Variants in CTNNA1 observed in about 807,000 individuals in gnomAD.
CTNNA1 encodes catenin alpha 1, also known as catenin alpha-1.
In CTNNA1, 37 loss-of-function variants were observed where a neutral mutation model predicts 98.4. That is an observed-to-expected ratio of 0.38 (90% CI 0.29 to 0.49). The LOEUF is 0.49. CTNNA1 is among the 20% of genes least tolerant of loss of function. The probability of loss-of-function intolerance (pLI) is 0.95; values close to 1 mark genes in which losing one functional copy is unlikely to be tolerated. For missense variants in CTNNA1, 761 were observed against 1,147.2 expected, an observed-to-expected ratio of 0.66 and a Z score of 4.86; for synonymous variants, 404 against 413.2, an observed-to-expected ratio of 0.98 and a Z score of 0.27.
At chr5:138,869,114 TTG>T (rs1157822089) in intron 7 of CTNNA1, 1 of 151,284 alleles carries the variant, frequency 6.6e-6, no homozygotes, top group East Asian at 1.9e-4. Context: ...GGACTGTACT[TTG>T]AGTTTCCAGT....
In CTNNA1 at chr5:138,810,063, A is replaced by G. The variant is rs745606892; in HGVS notation, c.327A>G (p.Gly109=). 2.9e-5 allele frequency: 46 copies of G among 1,612,302 alleles called. No individual in the cohort carries two copies. Among genetic ancestry groups the G allele is most frequent in the Non-Finnish European group, 3.6e-5 (42 of 1,178,534 alleles). ...GTGATTTGATGAAGGCTGCTGCAGG[A>G]GAGTTCGCAGATGATCCCTGCTCTT... The part of the protein sequence containing the change: ...KQGDLMKAAA[G]EFADDPCSSV... Residue 109 remains glycine, a synonymous_variant, in exon 4 of 18, where the codon GGA becomes GGG. Transcript: ENST00000302763.
intron 1 of CTNNA1, among the ~76,000 whole-genome samples, chr5:138,778,547 C>T (rs945121117): frequency 1.3e-5 from 2 of 152,118 alleles, no homozygotes; most frequent in Non-Finnish European, 2.9e-5. Flanking sequence ...ACTATTTCCC[C>T]CATCTGTCAT....
chr5:138,934,931 C>T lies in CTNNA1; in HGVS notation c.*842C>T, dbSNP rs1414454867. The T allele has an allele frequency of 6.6e-6, 1 of 152,508 alleles. No homozygotes were observed. Among genetic ancestry groups the T allele is most frequent in the African/African-American group, 2.4e-5 (1 of 41,446 alleles). 9.4% of individuals were successfully genotyped at this position (152,508 alleles called of 1,614,324 possible). On this transcript the variant is annotated 3_prime_UTR_variant, in exon 18 of 18. Coordinates refer to ENST00000302763, the MANE Select transcript of CTNNA1 (RefSeq NM_001903.5). Reference sequence around the variant, plus strand: ...TTGATTGATTGATTACTATTAACTACAAGGTATAATTTACTATCACCTTAT... The same window carrying T: ...TTGATTGATTGATTACTATTAACTATAAGGTATAATTTACTATCACCTTAT...
At chr5:138,875,480 CT>C (rs1044086138) in intron 7 of CTNNA1, 18 of 985,346 alleles carry the variant, frequency 1.8e-5, no homozygotes, top group Non-Finnish European at 2.0e-5. Flanking sequence ...GCAGGACCCC[CT>C]GATTACAATA....
intron 7 of CTNNA1, among the ~76,000 whole-genome samples, chr5:138,839,052 A>G (rs906318370): frequency 2.0e-5 from 3 of 152,136 alleles, no homozygotes; most frequent in Non-Finnish European, 4.4e-5. Flanking sequence ...TTTTCTTGCT[A>G]TGTTTCTGTT....
chr5:138,890,507 TA>T (rs2150050648), intron 9 of CTNNA1, among the ~76,000 whole-genome samples: 1 of 152,268 alleles, frequency 6.6e-6, no homozygotes, highest in African/African-American at 2.4e-5. Flanking sequence ...TAAAGGATAC[TA>T]ATCAGGACCA....
At chr5:138,896,380 A>T (rs989456126) in intron 9 of CTNNA1, among the ~76,000 whole-genome samples, 7 of 151,922 alleles carry the variant, frequency 4.6e-5, no homozygotes, top group Admixed American at 3.9e-4. Flanking sequence ...TTATTTTAAT[A>T]AGAATCTTTT....
chr5:138,848,475 C>CTTA (rs1184009955), intron 7 of CTNNA1, among the ~76,000 whole-genome samples: 2 of 152,200 alleles, frequency 1.3e-5, no homozygotes, highest in African/African-American at 4.8e-5. Flanking sequence ...CCTCCAAGAG[C>CTTA]TTAGTTCTCT....
chr5:138,767,684 C>T (rs1361667620), intron 1 of CTNNA1, among the ~76,000 whole-genome samples: 1 of 152,112 alleles, frequency 6.6e-6, no homozygotes, highest in Admixed American at 6.5e-5. Flanking sequence ...CTTGATTTAC[C>T]AGCTGACCAT....
chr5:138,764,258 C>G (rs918530883), intron 1 of CTNNA1, among the ~76,000 whole-genome samples: 1 of 151,636 alleles, frequency 6.6e-6, no homozygotes, highest in Non-Finnish European at 1.5e-5. Flanking sequence ...CCCAGTTACT[C>G]GGGAGGCTGA....
intron 3 of CTNNA1, among the ~76,000 whole-genome samples, chr5:138,803,934 C>G (rs2149711753): frequency 6.6e-6 from 1 of 152,302 alleles, no homozygotes; most frequent in South Asian, 2.1e-4. Flanking sequence ...AGAAGGTGAT[C>G]AGTAAGCATG....
chr5:138,873,663 G>A lies in CTNNA1; in HGVS notation c.1063-12549G>A. 1.2e-6 allele frequency: 2 copies of A among 1,614,040 alleles called. No homozygotes were observed. Among genetic ancestry groups the A allele is most frequent in the Non-Finnish European group, 1.7e-6 (2 of 1,179,904 alleles). ...AGACCAACGGTTGTGAGGGATCTCA[G>A]GGAGTTTAAGATCTTGGAATCAAGG... On this transcript the variant is annotated intron_variant, in intron 7 of 17. Transcript: ENST00000302763. This position sits in a 1 kb window ranked among gnomAD's most constrained non-coding sequence, Gnocchi z 6.1.
chr5:138,801,358 C>CT, intron 3 of CTNNA1, among the ~76,000 whole-genome samples: 1 of 152,232 alleles, frequency 6.6e-6, no homozygotes, highest in East Asian at 1.9e-4. Flanking sequence ...AGGCTAGTAT[C>CT]TACAGATATT....
Position 138,824,602 on chromosome 5 carries a change from C to G in CTNNA1, c.661C>G (p.Leu221Val). Residue 221 changes from leucine (L) to valine (V), a missense_variant, in exon 6 of 18, where the codon CTC (leucine) becomes GTC (valine). Transcript: ENST00000302763. ...AATCCTGCAGAAGAACGTTCCGATC[C>G]TCTATACTGCATCCCAGGCATGCCT... ...RGILQKNVPI[L>V]YTASQACLQH... 1 of 1,614,210 alleles carries G rather than the reference C, an allele frequency of 6.2e-7. No homozygotes were observed. The highest frequency in any genetic ancestry group is 8.5e-7 in the Non-Finnish European group (1 of 1,180,026).
chr5:138,853,051 C>A (rs536935442), intron 7 of CTNNA1, among the ~76,000 whole-genome samples: 1 of 152,242 alleles, frequency 6.6e-6, no homozygotes, highest in East Asian at 1.9e-4. Context: ...CCACTCCCCT[C>A]CCATGTGTTG....
chr5:138,817,910 T>C, intron 5 of CTNNA1, among the ~76,000 whole-genome samples: 1 of 152,072 alleles, frequency 6.6e-6, no homozygotes, highest in Non-Finnish European at 1.5e-5. Context: ...GAGACAGACT[T>C]TCGCTGTCAT....
intron 9 of CTNNA1, 115 bp from the exon 10 acceptor site, chr5:138,904,234 A>G (rs1758675541): frequency 6.9e-6 from 9 of 1,305,368 alleles, no homozygotes; most frequent in East Asian, 2.5e-5. Context: ...GAAGGGAGGC[A>G]CCCTTGGTGC....
At chr5:138,845,832 A>G (rs771084958) in intron 7 of CTNNA1, among the ~76,000 whole-genome samples, 21 of 152,264 alleles carry the variant, frequency 1.4e-4, no homozygotes, top group Middle Eastern at 3.4e-3. Flanking sequence ...CTTGATTGCC[A>G]TGTCCTGGGT....
chr5:138,883,252 A>G (rs1753335937), intron 7 of CTNNA1, among the ~76,000 whole-genome samples: 1 of 152,148 alleles, frequency 6.6e-6, no homozygotes, highest in Non-Finnish European at 1.5e-5. Flanking sequence ...ACTCATCTCT[A>G]TTACATTTTA....
Sources: allele counts gnomAD v4.1 joint callset (sites outside exome capture counted in the v4.1 genomes callset), GRCh38; gene constraint gnomAD v4.1.1; non-coding constraint Gnocchi (gnomAD v3.1); transcripts MANE v1.5; gene names NCBI Gene and HGNC (gene_info 2026-07-23, HGNC 2026-07-21).